NPBWR2: variants seen among roughly 807,000 people sequenced by gnomAD.
NPBWR2 encodes neuropeptides B/W receptor type 2.
For synonymous variants in NPBWR2, 207 were observed against 223.5 expected, an observed-to-expected ratio of 0.93 and a Z score of 0.66; for missense variants, 390 against 458.2, an observed-to-expected ratio of 0.85 and a Z score of 1.36.
In NPBWR2 at chr20:64,107,542, C is replaced by T. The variant is rs578255699; in HGVS notation, c.-270G>A. 2.6e-4 allele frequency among the ~76,000 whole-genome samples: 40 copies of T among 152,326 alleles called. No homozygotes were observed. The highest frequency in any genetic ancestry group is 8.4e-4 in the African/African-American group (35 of 41,568). ...GCCTCAGCCCCGGCTGCGAGGTTCCCAGCCTGGTGTCAGTGCTGATGCTGG... is the reference window on the plus strand; with the variant it reads ...GCCTCAGCCCCGGCTGCGAGGTTCCTAGCCTGGTGTCAGTGCTGATGCTGG... On this transcript the variant is annotated 5_prime_UTR_variant, in exon 1 of 2. Coordinates refer to ENST00000684052, the MANE Select transcript of NPBWR2 (RefSeq NM_005286.4). This position sits in a 1 kb window ranked among gnomAD's most constrained non-coding sequence, Gnocchi z 6.3.
rs769499233 is a variant in NPBWR2, at chr20:64,106,407, C to T, written c.425G>A (p.Arg142Gln). ...IYFLAVMSVD[R>Q]YLVVLATVRS... The stretch of plus-strand genomic sequence containing the variant: ...CACGGTGGCCAGCACCACCAGGTAT[C>T]GGTCCACGCTCATCACGGCTAGGAA... Residue 142 changes from arginine (R) to glutamine (Q), a missense_variant, in exon 2 of 2, where the codon CGA becomes CAA. Physicochemically the swap from Arg to Gln is conservative, Grantham distance 43. Transcript: ENST00000684052. This position sits in a 1 kb window ranked among gnomAD's most constrained non-coding sequence, Gnocchi z 9.5. 39 of 1,612,760 alleles carry T rather than the reference C, an allele frequency of 2.4e-5. No individual in the cohort carries two copies. Among genetic ancestry groups the T allele is most frequent in the Non-Finnish European group, 2.7e-5 (32 of 1,180,010 alleles).
chr20:64,106,336 CG>C lies in NPBWR2; in HGVS notation c.495del (p.Ala166ProfsTer34). On this transcript the variant is annotated frameshift_variant, in exon 2 of 2. Transcript: ENST00000684052. LOFTEE classifies it low-confidence loss of function (END_TRUNC). The surrounding 1 kb of genome is among the most constrained non-coding windows in gnomAD (Gnocchi z 9.5). ...ACGCCCAGCCAGACACACAGGCTGG[CG>C]ACCTTCGCCCCCCGGTAGGTGCGCC... ...MPWRTYRGAKVASLCVWLGVT... is the reference protein window; with the variant it reads ...MPWRTYRGAKXASLCVWLGVT... 1 of 1,612,674 alleles carries C rather than the reference CG, an allele frequency of 6.2e-7. No individual in the cohort carries two copies. The highest frequency in any genetic ancestry group is 2.2e-5 in the East Asian group (1 of 44,880).
In NPBWR2 at chr20:64,104,441, A is replaced by G. The variant is rs1335757538; in HGVS notation, c.*1389T>C. 2.6e-5 allele frequency among the ~76,000 whole-genome samples: 4 copies of G among 151,776 alleles called. No individual in the cohort carries two copies. The highest frequency in any genetic ancestry group is 2.6e-4 in the Admixed American group (4 of 15,244). On this transcript the variant is annotated 3_prime_UTR_variant, in exon 2 of 2. Coordinates refer to ENST00000684052, the MANE Select transcript of NPBWR2 (RefSeq NM_005286.4). ...GTAAAGTATGAGAGGAGCATCGGCC[A>G]CAGCAGGGGTGTACAGGCCATGGCG...
chr20:64,104,832 G>A lies in NPBWR2; in HGVS notation c.*998C>T, dbSNP rs1391783340. ...TCGGCCACAGCAGGGGGGTACAGGG[G>A]AGCACAGGCCATGGAGAGGACCGTC... On this transcript the variant is annotated 3_prime_UTR_variant, in exon 2 of 2. Coordinates refer to ENST00000684052, the MANE Select transcript of NPBWR2 (RefSeq NM_005286.4). 2.1e-4 allele frequency among the ~76,000 whole-genome samples: 30 copies of A among 142,584 alleles called. No homozygotes were observed. The highest frequency in any genetic ancestry group is 3.4e-4 in the Non-Finnish European group (22 of 65,660). 93.5% of individuals were successfully genotyped at this position (142,584 alleles called of 152,430 possible).
In NPBWR2 at chr20:64,105,153, G is replaced by T. The variant is rs1031564721; in HGVS notation, c.*677C>A. On this transcript the variant is annotated 3_prime_UTR_variant, in exon 2 of 2. Coordinates refer to ENST00000684052, the MANE Select transcript of NPBWR2 (RefSeq NM_005286.4). ...CCACCCCCCGGCCCCATCTTGGGGA[G>T]AGACTATGTAACGTGGCCCAGGTCA... 6.6e-6 allele frequency among the ~76,000 whole-genome samples: 1 copy of T among 152,070 alleles called. No individual in the cohort carries two copies. The highest frequency in any genetic ancestry group is 1.5e-5 in the Non-Finnish European group (1 of 68,000).
In NPBWR2 at chr20:64,106,616, C is replaced by T; in HGVS notation, c.216G>A (p.Arg72=). 1.2e-6 allele frequency: 2 copies of T among 1,612,154 alleles called. No individual in the cohort carries two copies. ...GNTAVILVIL[R]APKMKTVTNV... ...TGGTCACCGTCTTCATCTTGGGCGC[C>T]CTTAGGATTACAAGGATGACGGCCG... The change falls in exon 2 of 2, where the codon AGG becomes AGA. Residue 72 remains arginine (R), a synonymous_variant. Transcript: ENST00000684052. This position sits in a 1 kb window ranked among gnomAD's most constrained non-coding sequence, Gnocchi z 9.5.
rs1385030717 is a variant in NPBWR2 at position 64,106,146 on chromosome 20, C to A, written c.686G>T (p.Cys229Phe). Residue 229 changes from cysteine (C) to phenylalanine (F), a missense_variant, in exon 2 of 2, where the codon TGT becomes TTT. Transcript: ENST00000684052. The surrounding 1 kb of genome is among the most constrained non-coding windows in gnomAD (Gnocchi z 9.5). ...GCGCAGGAGGTCTGTGTAGAGCACA[C>A]AGATGGTGCACACGGGCAGCACGAA... The part of the protein sequence containing the change: ...LGFVLPVCTI[C>F]VLYTDLLRRL... 1 of 1,612,360 alleles carries A rather than the reference C, an allele frequency of 6.2e-7. No individual in the cohort carries two copies. The highest frequency in any genetic ancestry group is 1.7e-5 in the Admixed American group (1 of 60,012).
In NPBWR2 at chr20:64,105,884, G is replaced by C; in HGVS notation, c.948C>G (p.Tyr316Ter). 6.2e-7 allele frequency: 1 copy of C among 1,605,080 alleles called. No individual in the cohort carries two copies. The highest frequency in any genetic ancestry group is 8.5e-7 in the Non-Finnish European group (1 of 1,175,422). The change falls in exon 2 of 2, where the codon TAC becomes TAG. Residue 316 changes from tyrosine to a stop codon, truncating the protein, a stop_gained. Coordinates refer to ENST00000684052, the MANE Select transcript of NPBWR2 (RefSeq NM_005286.4). LOFTEE classifies it low-confidence loss of function (END_TRUNC). ...YANSCLNPFL[Y>*]AFLDDNFRKN... ...TCCGGAAGTTGTCATCTAGAAAGGC[G>C]TAGAGGAAGGGGTTCAGGCACGAGT...
rs199882302 is a variant in NPBWR2 at position 64,106,845 on chromosome 20, G to A, written c.-14C>T. 1.7e-4 allele frequency: 272 copies of A among 1,599,932 alleles called. No individual in the cohort carries two copies. Among genetic ancestry groups the A allele is most frequent in the African/African-American group, 9.6e-4 (72 of 74,704 alleles). The stretch of plus-strand genomic sequence containing the variant: ...AGCGGCCTGCATTGTAGCTGGGACC[G>A]TTGACGATTTGCGCCCTGGGCAGGT... On this transcript the variant is annotated 5_prime_UTR_variant, in exon 2 of 2. It adds an upstream start codon to the 5' untranslated region. Coordinates refer to ENST00000684052, the MANE Select transcript of NPBWR2 (RefSeq NM_005286.4). The surrounding 1 kb of genome is among the most constrained non-coding windows in gnomAD (Gnocchi z 9.5).
In NPBWR2 at chr20:64,105,765, A is replaced by ATGGGCGTGACGATGGGGGTAATGG; in HGVS notation, c.*64_*65insCCATTACCCCCATCGTCACGCCCA. On this transcript the variant is annotated 3_prime_UTR_variant, in exon 2 of 2. Coordinates refer to ENST00000684052, the MANE Select transcript of NPBWR2 (RefSeq NM_005286.4). The stretch of plus-strand genomic sequence containing the variant: ...TGATGGGGGTGTGGGCATGATGATG[A>ATGGGCGTGACGATGGGGGTAATGG]TGGGCGTGATGATGATGGGGGGTGA... 9.5e-7 allele frequency: 1 copy of ATGGGCGTGACGATGGGGGTAATGG among 1,056,314 alleles called. No individual in the cohort carries two copies. Among genetic ancestry groups the ATGGGCGTGACGATGGGGGTAATGG allele is most frequent in the South Asian group, 1.6e-5 (1 of 62,630 alleles). The allele number at this position is 1,056,314 out of a possible 1,614,324, so 65.4% of individuals were successfully genotyped here.
chr20:64,106,445 G>A lies in NPBWR2; in HGVS notation c.387C>T (p.Phe129=). ...LVLAVDHYNI[F]SSIYFLAVMS... is the part of the protein sequence containing the mutation. ...TCACGGCTAGGAAGTAGATGCTGGA[G>A]AAGATGTTGTAGTGGTCGACGGCCA... Residue 129 remains phenylalanine (F), a synonymous_variant, in exon 2 of 2, where the codon TTC becomes TTT. Transcript: ENST00000684052. The surrounding 1 kb of genome is among the most constrained non-coding windows in gnomAD (Gnocchi z 9.5). 7 of 1,612,776 alleles carry A rather than the reference G, an allele frequency of 4.3e-6. No individual in the cohort carries two copies. The highest frequency in any genetic ancestry group is 5.9e-6 in the Non-Finnish European group (7 of 1,180,022).
rs1416659081 is a variant in NPBWR2, at chr20:64,106,346, C to T, written c.486G>A (p.Gly162=). Residue 162 remains glycine (G), a synonymous_variant, in exon 2 of 2, where the codon GGG becomes GGA. Coordinates refer to ENST00000684052, the MANE Select transcript of NPBWR2 (RefSeq NM_005286.4). The surrounding 1 kb of genome is among the most constrained non-coding windows in gnomAD (Gnocchi z 9.5). ...AGACACACAGGCTGGCGACCTTCGC[C>T]CCCCGGTAGGTGCGCCAGGGCATGT... is the stretch of plus-strand genomic sequence containing the variant. The part of the protein sequence containing the change: ...SRHMPWRTYR[G]AKVASLCVWL... 19 of 1,612,648 alleles carry T rather than the reference C, an allele frequency of 1.2e-5. No individual in the cohort carries two copies. The highest frequency in any genetic ancestry group is 2.2e-5 in the South Asian group (2 of 91,082).
chr20:64,105,731 G>GGTGATGGTGGGGGTGATGGTGGGGGTGAT lies in NPBWR2; in HGVS notation c.*98_*99insATCACCCCCACCATCACCCCCACCATCAC. ...TGGGGGTGGTGGTGGGGGTGGGGGG[G>GGTGATGGTGGGGGTGATGGTGGGGGTGAT]GGTGGGCCTGATGGGGGTGTGGGCA... is the stretch of plus-strand genomic sequence containing the variant. On this transcript the variant is annotated 3_prime_UTR_variant, in exon 2 of 2. Transcript: ENST00000684052. The GGTGATGGTGGGGGTGATGGTGGGGGTGAT allele has an allele frequency of 2.6e-6, 2 of 755,886 alleles. No homozygotes were observed. The highest frequency in any genetic ancestry group is 3.9e-6 in the Non-Finnish European group (2 of 514,408). 46.8% of individuals were successfully genotyped at this position (755,886 alleles called of 1,614,324 possible).
At position 64,106,816 on chromosome 20, in the gene NPBWR2, G is replaced by A; in HGVS notation, c.16C>T (p.His6Tyr). 5 of 1,610,872 alleles carry A rather than the reference G, an allele frequency of 3.1e-6. No individual in the cohort carries two copies. Among genetic ancestry groups the A allele is most frequent in the Non-Finnish European group, 4.2e-6 (5 of 1,178,494 alleles). MQAAG[H>Y]PEPLDSRGSF... ...CCCCTGCTGTCAAGGGGCTCTGGGT[G>A]CCCAGCGGCCTGCATTGTAGCTGGG... The change falls in exon 2 of 2, where the codon CAC becomes TAC. Residue 6 changes from histidine to tyrosine, a missense_variant. By Grantham distance (83) the His-to-Tyr change is moderately conservative. Coordinates refer to ENST00000684052, the MANE Select transcript of NPBWR2 (RefSeq NM_005286.4). The surrounding 1 kb of genome is among the most constrained non-coding windows in gnomAD (Gnocchi z 9.5).
Position 64,105,754 on chromosome 20 carries a change from GCATGATGATGA to G in NPBWR2, c.*65_*75del. 1 of 1,073,414 alleles carries G rather than the reference GCATGATGATGA, an allele frequency of 9.3e-7. No homozygotes were observed. Among genetic ancestry groups the G allele is most frequent in the East Asian group, 2.7e-5 (1 of 36,866 alleles). The allele number at this position is 1,073,414 out of a possible 1,614,324, so 66.5% of individuals were successfully genotyped here. ...GGGGGTGGGCCTGATGGGGGTGTGG[GCATGATGATGA>G]TGGGCGTGATGATGATGGGGGGTGA... On this transcript the variant is annotated 3_prime_UTR_variant, in exon 2 of 2. Transcript: ENST00000684052.
rs1328765249 is a variant in NPBWR2 at position 64,104,987 on chromosome 20, A to C, written c.*843T>G. Among the ~76,000 whole-genome samples, 1 of 152,116 alleles carries C rather than the reference A, an allele frequency of 6.6e-6. No individual in the cohort carries two copies. Among genetic ancestry groups the C allele is most frequent in the Non-Finnish European group, 1.5e-5 (1 of 67,980 alleles). ...AACACAGCAGCACAGGCCATGGCAC[A>C]TGGGCACGGCGGGGCTGGGCCTCCT... On this transcript the variant is annotated 3_prime_UTR_variant, in exon 2 of 2. Transcript: ENST00000684052.
rs1363902404 is a variant in NPBWR2, at chr20:64,105,601, G to A, written c.*229C>T. ...GGGGTGGGGGTGGGGGTGATGGTGGGCGTGATGGTGGGGGTGGGGGTGATG... is the reference window on the plus strand; with the variant it reads ...GGGGTGGGGGTGGGGGTGATGGTGGACGTGATGGTGGGGGTGGGGGTGATG... On this transcript the variant is annotated 3_prime_UTR_variant, in exon 2 of 2. Coordinates refer to ENST00000684052, the MANE Select transcript of NPBWR2 (RefSeq NM_005286.4). 1.2e-3 allele frequency among the ~76,000 whole-genome samples: 3 copies of A among 2,584 alleles called. No homozygotes were observed. The highest frequency in any genetic ancestry group is 2.4e-3 in the Non-Finnish European group (3 of 1,242). The allele number at this position is 2,584 out of a possible 152,430, so 1.7% of individuals were successfully genotyped here.
chr20:64,105,207 C>T lies in NPBWR2; in HGVS notation c.*623G>A, dbSNP rs986146884. Among the ~76,000 whole-genome samples the T allele has an allele frequency of 4.6e-5, 7 of 151,882 alleles. No individual in the cohort carries two copies. Among genetic ancestry groups the T allele is most frequent in the Non-Finnish European group, 7.4e-5 (5 of 67,990 alleles). ...TCACAGTTCAGGTTCCCTCCCCTCC[C>T]GACCACTGTCATTAGGGATCCTGAG... On this transcript the variant is annotated 3_prime_UTR_variant, in exon 2 of 2. Coordinates refer to ENST00000684052, the MANE Select transcript of NPBWR2 (RefSeq NM_005286.4).
chr20:64,107,434 G>A lies in NPBWR2; in HGVS notation c.-162C>T, dbSNP rs1294842677. ...CTGGTTTTGGCCAGTACAGGCAGTC[G>A]CAGGGATGGAGGGCGAGGTGTGGTC... is the stretch of plus-strand genomic sequence containing the variant. On this transcript the variant is annotated 5_prime_UTR_variant, in exon 1 of 2. Transcript: ENST00000684052. The surrounding 1 kb of genome is among the most constrained non-coding windows in gnomAD (Gnocchi z 6.3). Among the ~76,000 whole-genome samples the A allele has an allele frequency of 6.6e-6, 1 of 152,200 alleles. No homozygotes were observed. The highest frequency in any genetic ancestry group is 6.5e-5 in the Admixed American group (1 of 15,290).
Sources: allele counts gnomAD v4.1 joint callset (sites outside exome capture counted in the v4.1 genomes callset), GRCh38; gene constraint gnomAD v4.1.1; non-coding constraint Gnocchi (gnomAD v3.1); transcripts MANE v1.5; gene names NCBI Gene and HGNC (gene_info 2026-07-23, HGNC 2026-07-21).